The following KMT5B variants were observed in gnomAD, a reference collection of about 807,000 sequenced individuals.
KMT5B encodes the protein histone-lysine N-methyltransferase KMT5B.
In KMT5B, 10 loss-of-function variants were observed where a neutral mutation model predicts 83.2. That is an observed-to-expected ratio of 0.12 (90% CI 0.07 to 0.20). The LOEUF (loss-of-function observed/expected upper bound fraction) is 0.20. KMT5B is among the 10% of genes least tolerant of loss of function. KMT5B has a pLI of 1.00. For missense variants in KMT5B, 753 were observed against 1,067.2 expected (o/e 0.71, Z 4.10); for synonymous variants, 349 against 388.8 (o/e 0.90, Z 1.20).
At chr11:68,170,487 CT>C (rs1219229530) in intron 9 of KMT5B, among the ~76,000 whole-genome samples, 1 of 152,160 alleles carries the variant, frequency 6.6e-6, no homozygotes, top group Non-Finnish European at 1.5e-5. Flanking sequence ...GCAATATGAA[CT>C]GGTGGTCCTG....
intron 3 of KMT5B, among the ~76,000 whole-genome samples, chr11:68,182,532 C>T (rs1857036669): frequency 1.3e-5 from 2 of 152,132 alleles, no homozygotes; most frequent in African/African-American, 4.8e-5. Context: ...GAATACAGCT[C>T]ATTGCAGCCT....
intron 4 of KMT5B, chr11:68,179,527 C>G: frequency 7.7e-7 from 1 of 1,304,176 alleles, no homozygotes; most frequent in Non-Finnish European, 1.0e-6. Context: ...TTTGGTTTTT[C>G]TGTCTCCCCA....
Position 68,204,611 on chromosome 11 carries a change from GTTTTTTTTTTT to G in KMT5B, c.-77+8516_-77+8526del, listed in dbSNP as rs34315868. 2.7e-4 allele frequency among the ~76,000 whole-genome samples: 29 copies of G among 106,158 alleles called. 1 individual carries two copies. Among genetic ancestry groups the G allele is most frequent in the African/African-American group, 7.7e-4 (22 of 28,610 alleles). 69.6% of individuals were successfully genotyped at this position (106,158 alleles called of 152,430 possible). A position where few individuals can be genotyped will look rare whatever the true frequency, so the allele number is the denominator to read the frequency against. Reference sequence around the variant, plus strand: ...AAAACCGTGAGAGAATAAATTTCCGGTTTTTTTTTTTTTTTTTTTTTTTTGACACAGAGTCT... The same window carrying G: ...AAAACCGTGAGAGAATAAATTTCCGGTTTTTTTTTTTTTGACACAGAGTCT... On this transcript the variant is annotated intron_variant, in intron 1 of 10. Transcript: ENST00000304363.
intron 4 of KMT5B, among the ~76,000 whole-genome samples, chr11:68,178,289 G>T (rs1182645491): frequency 1.3e-5 from 2 of 152,138 alleles, no homozygotes; most frequent in Non-Finnish European, 2.9e-5. Context: ...TCTGAAACAA[G>T]TTCATTCCTA....
At chr11:68,204,681 T>C (rs1859868256) in intron 1 of KMT5B, among the ~76,000 whole-genome samples, 1 of 143,128 alleles carries the variant, frequency 7.0e-6, no homozygotes. Context: ...AGTGGTGCGA[T>C]CTCAGCTCAC....
chr11:68,204,261 G>A (rs1306189184), intron 1 of KMT5B, among the ~76,000 whole-genome samples: 2 of 152,218 alleles, frequency 1.3e-5, no homozygotes, highest in Non-Finnish European at 2.9e-5. Flanking sequence ...CAAAGACATC[G>A]GCTCCTAATC....
Position 68,173,890 on chromosome 11 carries a change from A to G in KMT5B, c.567T>C (p.Phe189=). 1 of 1,610,246 alleles carries G rather than the reference A, an allele frequency of 6.2e-7. No individual in the cohort carries two copies. The highest frequency in any genetic ancestry group is 8.5e-7 in the Non-Finnish European group (1 of 1,178,512). ...KEHVFIYLRM[F]ATDSGFEILP... ...ATATTTCAAATCCACTGTCAGTTGC[A>G]AACATTCGCAAATAAATAAATACCT... The change falls in exon 6 of 11, where the codon TTT becomes TTC. Residue 189 remains phenylalanine (F), a synonymous_variant. Coordinates refer to ENST00000304363, the MANE Select transcript of KMT5B (RefSeq NM_017635.5).
chr11:68,174,058 A>C (rs550356644), intron 5 of KMT5B, 145 bp from the exon 6 acceptor site: 1 of 687,492 alleles, frequency 1.5e-6, no homozygotes, highest in Non-Finnish European at 2.6e-6. Flanking sequence ...GTCTCTACGA[A>C]AAACATTAGC....
At chr11:68,179,811 G>T in intron 4 of KMT5B, 1 of 390,250 alleles carries the variant, frequency 2.6e-6, no homozygotes, top group Non-Finnish European at 4.4e-6. Flanking sequence ...TCGCAGATCA[G>T]CTCTTCAGTC....
chr11:68,197,122 C>A (rs903403005), intron 1 of KMT5B, among the ~76,000 whole-genome samples: 1 of 152,074 alleles, frequency 6.6e-6, no homozygotes, highest in Non-Finnish European at 1.5e-5. Context: ...AGGTGCGCAC[C>A]ACCACACCTG....
chr11:68,186,074 G>C, intron 2 of KMT5B, 146 bp from the exon 3 acceptor site: 1 of 716,764 alleles, frequency 1.4e-6, no homozygotes, highest in Non-Finnish European at 2.2e-6. Context: ...AATAACCTTT[G>C]CATAAGACAG....
chr11:68,193,075 A>G (rs1368648416), intron 1 of KMT5B, among the ~76,000 whole-genome samples: 3 of 152,240 alleles, frequency 2.0e-5, no homozygotes, highest in Non-Finnish European at 4.4e-5. Context: ...TTATCGAATT[A>G]TGCATTAGTA....
chr11:68,163,453 G>A (rs182213099), intron 10 of KMT5B, among the ~76,000 whole-genome samples: 9 of 152,264 alleles, frequency 5.9e-5, no homozygotes, highest in Non-Finnish European at 7.3e-5. Flanking sequence ...CTCAACTTAC[G>A]GGTAAAGGCC....
At chr11:68,164,429 G>A (rs982184474) in intron 10 of KMT5B, among the ~76,000 whole-genome samples, 39 of 152,338 alleles carry the variant, frequency 2.6e-4, no homozygotes, top group African/African-American at 9.1e-4. Context: ...TTTCCTGCAG[G>A]ATGTGGCTTC....
chr11:68,171,522 C>T lies in KMT5B; in HGVS notation c.820+21G>A, dbSNP rs1217809619. On this transcript the variant is annotated intron_variant, in intron 7 of 10. Transcript: ENST00000304363. This position sits in a 1 kb window ranked among gnomAD's most constrained non-coding sequence, Gnocchi z 5.1. ...CAGGAATGGCCAACACTAGCGCCAA[C>T]ACCTTGGAAACACAGCTTACCATGG... The T allele has an allele frequency of 5.6e-6, 9 of 1,609,946 alleles. No homozygotes were observed. Among genetic ancestry groups the T allele is most frequent in the African/African-American group, 1.3e-5 (1 of 74,840 alleles).
At position 68,204,059 on chromosome 11, in the gene KMT5B, C is replaced by T. The variant is rs78050918; in HGVS notation, c.-77+9079G>A. On this transcript the variant is annotated intron_variant, in intron 1 of 10. Coordinates refer to ENST00000304363, the MANE Select transcript of KMT5B (RefSeq NM_017635.5). Reference sequence around the variant, plus strand: ...TCCCAAGTACCCTCAGGTGGTAATGCCCTCACTCAGGCCACCAAGAGAATA... The same window carrying T: ...TCCCAAGTACCCTCAGGTGGTAATGTCCTCACTCAGGCCACCAAGAGAATA... 5.7e-3 allele frequency among the ~76,000 whole-genome samples: 861 copies of T among 152,254 alleles called. 9 individuals are homozygous for T. Among genetic ancestry groups the T allele is most frequent in the African/African-American group, 0.019 (799 of 41,552 alleles).
At chr11:68,180,813 A>G (rs1856845605) in intron 3 of KMT5B, among the ~76,000 whole-genome samples, 1 of 152,210 alleles carries the variant, frequency 6.6e-6, no homozygotes, top group Non-Finnish European at 1.5e-5. Context: ...CACTCCATTT[A>G]AAAACCAGAG....
At chr11:68,168,391 A>G (rs547659911) in intron 9 of KMT5B, among the ~76,000 whole-genome samples, 111 of 148,638 alleles carry the variant, frequency 7.5e-4, no homozygotes, top group African/African-American at 2.7e-3. Context: ...GCTGGAGTGC[A>G]GTGGTGCGAT....
At chr11:68,164,207 T>C (rs888322930) in intron 10 of KMT5B, among the ~76,000 whole-genome samples, 9 of 152,196 alleles carry the variant, frequency 5.9e-5, no homozygotes, top group African/African-American at 2.2e-4. Flanking sequence ...CTCAAGGTAC[T>C]TTCCGAAAAA....
Sources: gnomAD v4.1 joint callset for allele counts (sites outside exome capture counted in the v4.1 genomes callset) on GRCh38, gnomAD v4.1.1 for gene constraint, Gnocchi (gnomAD v3.1) non-coding constraint, MANE v1.5 for transcripts, NCBI Gene and HGNC (gene_info 2026-07-23, HGNC 2026-07-21) for gene names.